The following SFMBT1 variants were observed in gnomAD, a reference collection of about 807,000 sequenced individuals.
SFMBT1 encodes the protein scm-like with four MBT domains protein 1.
SFMBT1 carries 32 observed loss-of-function variants against 108.7 expected under a neutral mutation model. That is an observed-to-expected ratio of 0.29 (90% confidence interval 0.22 to 0.40). The LOEUF (loss-of-function observed/expected upper bound fraction) is 0.40. Ranked by LOEUF, SFMBT1 falls within the 10% of genes least tolerant of loss-of-function variation. The probability of loss-of-function intolerance (pLI) is 1.00; values close to 1 mark genes in which losing one functional copy is unlikely to be tolerated. For missense variants in SFMBT1, 816 were observed against 1,059.6 expected, an observed-to-expected ratio of 0.77 and a Z score of 3.19; for synonymous variants, 348 against 369.5, an observed-to-expected ratio of 0.94 and a Z score of 0.67.
chr3:52,964,247 C>G (rs1704057701), intron 2 of SFMBT1, among the ~76,000 whole-genome samples: 1 of 152,224 alleles, frequency 6.6e-6, no homozygotes, highest in Admixed American at 6.5e-5. Flanking sequence ...TGGTGGCTCA[C>G]ACCTGTAAAT....
Position 52,925,971 on chromosome 3 carries a change from G to A in SFMBT1, c.1131+60C>T, listed in dbSNP as rs1326658253. ...TCAGAGCAATAACATGGAAAGCAAG[G>A]GAAGCACAGCAGTCCCTGCAGCCCT... is the stretch of plus-strand genomic sequence containing the variant. On this transcript the variant is annotated intron_variant, in intron 10 of 20. Transcript: ENST00000394752. 6 of 1,435,246 alleles carry A rather than the reference G, an allele frequency of 4.2e-6. No homozygotes were observed. In the African/African-American group the frequency reaches 6.2e-5, roughly 15 times the overall value. 88.9% of individuals were successfully genotyped at this position (1,435,246 alleles called of 1,614,324 possible).
intron 1 of SFMBT1, among the ~76,000 whole-genome samples, chr3:53,011,216 C>T (rs1235143781): frequency 1.3e-5 from 2 of 152,116 alleles, no homozygotes; most frequent in African/African-American, 2.4e-5. Flanking sequence ...CAAGGACAGA[C>T]AGAATCTTGG....
At chr3:52,959,934 T>G (rs1000477121) in intron 2 of SFMBT1, among the ~76,000 whole-genome samples, 1 of 152,032 alleles carries the variant, frequency 6.6e-6, no homozygotes, top group African/African-American at 2.4e-5. Flanking sequence ...AATAAACTGC[T>G]GAATGAGTAC....
intron 1 of SFMBT1, among the ~76,000 whole-genome samples, chr3:53,044,237 C>T (rs979493040): frequency 6.6e-5 from 10 of 152,204 alleles, no homozygotes; most frequent in African/African-American, 2.4e-4. Context: ...AAAATATACA[C>T]TGTGATTTCT....
intron 17 of SFMBT1, among the ~76,000 whole-genome samples, chr3:52,908,709 C>T (rs1205570673): frequency 6.6e-6 from 1 of 152,154 alleles, no homozygotes; most frequent in Non-Finnish European, 1.5e-5. Flanking sequence ...GCTGGGACTA[C>T]AGGCGTCTGC....
At chr3:52,972,347 G>C (rs888827329) in intron 1 of SFMBT1, among the ~76,000 whole-genome samples, 2 of 152,158 alleles carry the variant, frequency 1.3e-5, no homozygotes, top group Non-Finnish European at 2.9e-5. Context: ...TGAGCAATCA[G>C]TTCATCATCT....
intron 1 of SFMBT1, among the ~76,000 whole-genome samples, chr3:53,039,345 T>C (rs1158800959): frequency 1.4e-5 from 2 of 147,760 alleles, no homozygotes; most frequent in East Asian, 4.1e-4. Flanking sequence ...TTATGTTAAG[T>C]GAATTAAGGC....
At chr3:53,006,792 C>T (rs115632241) in intron 1 of SFMBT1, among the ~76,000 whole-genome samples, 3,821 of 152,264 alleles carry the variant, frequency 0.025, 72 homozygotes, top group Non-Finnish European at 0.038. Context: ...ATGTAAGCTT[C>T]CACAGTTTAC....
At chr3:53,016,307 G>A (rs1559550760) in intron 1 of SFMBT1, among the ~76,000 whole-genome samples, 1 of 152,100 alleles carries the variant, frequency 6.6e-6, no homozygotes, top group Non-Finnish European at 1.5e-5. Context: ...ATGGATTGCG[G>A]TGCGAACCTC....
chr3:52,941,695 G>C (rs1703190229), intron 4 of SFMBT1, among the ~76,000 whole-genome samples: 1 of 149,570 alleles, frequency 6.7e-6, no homozygotes, highest in African/African-American at 2.4e-5. Context: ...CCAGCAGTTT[G>C]AGACTGGCCT....
intron 12 of SFMBT1, among the ~76,000 whole-genome samples, chr3:52,918,987 C>T (rs909299182): frequency 1.3e-5 from 2 of 152,050 alleles, no homozygotes; most frequent in South Asian, 2.1e-4. Context: ...AGATCCCTCA[C>T]GAGACAGTTC....
intron 1 of SFMBT1, among the ~76,000 whole-genome samples, chr3:52,992,671 C>A (rs1009654622): frequency 1.3e-5 from 2 of 152,152 alleles, no homozygotes; most frequent in Non-Finnish European, 2.9e-5. Context: ...TTCATAAAAG[C>A]AGATCATCTT....
chr3:52,907,760 A>G, intron 17 of SFMBT1, 27 bp from the exon 18 acceptor site: 1 of 1,569,908 alleles, frequency 6.4e-7, no homozygotes, highest in Non-Finnish European at 8.6e-7. Flanking sequence ...AAGAAAAATG[A>G]AGTAGCTTCA....
chr3:52,938,285 T>C (rs979338164), intron 4 of SFMBT1, among the ~76,000 whole-genome samples: 14 of 152,342 alleles, frequency 9.2e-5, no homozygotes, highest in African/African-American at 3.1e-4. Flanking sequence ...GTAACACTTA[T>C]TGATATTATT....
chr3:52,912,294 C>A (rs1702234521), intron 16 of SFMBT1, among the ~76,000 whole-genome samples: 1 of 152,122 alleles, frequency 6.6e-6, no homozygotes, highest in Non-Finnish European at 1.5e-5. Context: ...AATCCTCCTG[C>A]CTCAGCCTCC....
chr3:52,926,737 C>G (rs1702670276), intron 9 of SFMBT1, among the ~76,000 whole-genome samples: 1 of 152,114 alleles, frequency 6.6e-6, no homozygotes, highest in Non-Finnish European at 1.5e-5. Context: ...GGAAGCATCT[C>G]CAAGCTGCTG....
intron 1 of SFMBT1, among the ~76,000 whole-genome samples, chr3:52,999,064 C>CGGGGA (rs1698444851): frequency 6.6e-6 from 1 of 150,804 alleles, no homozygotes; most frequent in Non-Finnish European, 1.5e-5. Context: ...CCGGGGACGC[C>CGGGGA]CGAGGACATG....
intron 4 of SFMBT1, among the ~76,000 whole-genome samples, chr3:52,938,523 C>A (rs931416751): frequency 3.3e-5 from 5 of 152,044 alleles, no homozygotes; most frequent in African/African-American, 1.2e-4. Context: ...TTTCTATAAA[C>A]AATACTGAAG....
chr3:53,032,149 T>C (rs1391337733), intron 1 of SFMBT1, among the ~76,000 whole-genome samples: 2 of 152,126 alleles, frequency 1.3e-5, no homozygotes, highest in African/African-American at 4.8e-5. Flanking sequence ...GCGAGTGGAA[T>C]GTTTGAGGTC....
Sources: gnomAD v4.1 joint callset for allele counts (sites outside exome capture counted in the v4.1 genomes callset) on GRCh38, gnomAD v4.1.1 for gene constraint, MANE v1.5 for transcripts, NCBI Gene and HGNC (gene_info 2026-07-23, HGNC 2026-07-21) for gene names.